The following OSBPL10 variants were observed in gnomAD, a reference collection of about 807,000 sequenced individuals.
The protein encoded by OSBPL10 is oxysterol-binding protein-related protein 10.
Under a neutral mutation model 81.7 loss-of-function variants are expected in OSBPL10, and 49 were observed. The observed-to-expected ratio is 0.60, with a 90% confidence interval of 0.48 to 0.76. The LOEUF (loss-of-function observed/expected upper bound fraction) is 0.76, where lower values mean the gene tolerates loss of function less well. Ranked by LOEUF, OSBPL10 falls within the 30% of genes least tolerant of loss-of-function variation. OSBPL10 has a pLI of 0.00. For synonymous variants in OSBPL10, 419 were observed against 383.6 expected, an observed-to-expected ratio of 1.09 and a Z score of -1.08; for missense variants, 923 against 987.8, an observed-to-expected ratio of 0.93 and a Z score of 0.88.
chr3:31,961,046 CCTT>C (rs1698146811), intron 1 of OSBPL10, among the ~76,000 whole-genome samples: 1 of 102,436 alleles, frequency 9.8e-6, no homozygotes, highest in Admixed American at 1.4e-4. Flanking sequence ...GAAGCTACAG[CCTT>C]TTTTTTTTTT....
intron 1 of OSBPL10, among the ~76,000 whole-genome samples, chr3:31,892,258 A>C (rs4458399): frequency 6.6e-6 from 1 of 151,862 alleles, no homozygotes. Flanking sequence ...GTTTGGAGCA[A>C]AGAGAAGGAA....
intron 4 of OSBPL10, among the ~76,000 whole-genome samples, chr3:31,788,316 G>A (rs1231466942): frequency 6.6e-6 from 1 of 152,124 alleles, no homozygotes. Flanking sequence ...TTTAATAGAA[G>A]ATAACTATTA....
rs1265067851 is a variant in OSBPL10, at chr3:31,932,672, A to G, written c.281+48227T>C. Among the ~76,000 whole-genome samples, 2 of 152,000 alleles carry G rather than the reference A, an allele frequency of 1.3e-5. 1 individual carries two copies. The highest frequency in any genetic ancestry group is 2.9e-5 in the Non-Finnish European group (2 of 68,016). ...CCATGTCACAAAGAGGCTATTTAAC[A>G]TCATTTTAATGATGTCTGCTCCTTC... On this transcript the variant is annotated intron_variant, in intron 1 of 11. Transcript: ENST00000396556.
chr3:31,937,392 A>C (rs1697406516), intron 1 of OSBPL10, among the ~76,000 whole-genome samples: 1 of 152,198 alleles, frequency 6.6e-6, no homozygotes, highest in South Asian at 2.1e-4. Context: ...TTAGGGGCTG[A>C]AATTACTCAT....
intron 4 of OSBPL10, among the ~76,000 whole-genome samples, chr3:31,760,525 A>G (rs368317154): frequency 6.6e-6 from 1 of 152,328 alleles, no homozygotes; most frequent in East Asian, 1.9e-4. Flanking sequence ...GTAAATAGTT[A>G]TTATACTTTA....
chr3:31,787,682 T>C (rs1698894459), intron 4 of OSBPL10, among the ~76,000 whole-genome samples: 1 of 152,054 alleles, frequency 6.6e-6, no homozygotes, highest in Non-Finnish European at 1.5e-5. Flanking sequence ...ACCAACCCTG[T>C]TGATCAGCAA....
At chr3:31,730,623 C>G (rs1482133119) in intron 6 of OSBPL10, among the ~76,000 whole-genome samples, 2 of 152,184 alleles carry the variant, frequency 1.3e-5, no homozygotes, top group African/African-American at 4.8e-5. Flanking sequence ...ATTCTAAGAT[C>G]ACTACATTTT....
At chr3:31,783,811 AAAAAAAAAAAAAATATATATATATAT>A (rs1698778748) in intron 4 of OSBPL10, among the ~76,000 whole-genome samples, 1 of 76,376 alleles carries the variant, frequency 1.3e-5, no homozygotes, top group Non-Finnish European at 2.4e-5. Flanking sequence ...AAAAAAAAAA[AAAAAAAAAAAAAATATATATATATAT>A]ATATATATAT....
intron 2 of OSBPL10, among the ~76,000 whole-genome samples, chr3:32,014,035 A>G (rs890741307): frequency 1.3e-5 from 2 of 152,240 alleles, no homozygotes; most frequent in Non-Finnish European, 2.9e-5. Context: ...AGCTGGTACC[A>G]TTCCTTCTGA....
At position 32,002,611 on chromosome 3, in the gene OSBPL10, T is replaced by C. The variant is rs544064289; in HGVS notation, n.298+43880A>G. Among the ~76,000 whole-genome samples, 220 of 138,350 alleles carry C rather than the reference T, an allele frequency of 1.6e-3. 1 individual carries two copies. Among genetic ancestry groups the C allele is most frequent in the Non-Finnish European group, 2.5e-3 (151 of 60,184 alleles). The allele number at this position is 138,350 out of a possible 152,430, so 90.8% of individuals were successfully genotyped here. A position where few individuals can be genotyped will look rare whatever the true frequency, so the allele number is the denominator to read the frequency against. On this transcript the variant is annotated intron_variant and non_coding_transcript_variant, in intron 2 of 3. Coordinates refer to the OSBPL10 transcript ENST00000479173. ...AGGGTTTGAATCAAGGCTTCTTCTC[T>C]CTTGGTGACTTAGATCCTCCAGGCA...
chr3:31,950,345 T>C (rs1697831756), intron 1 of OSBPL10, among the ~76,000 whole-genome samples: 1 of 152,254 alleles, frequency 6.6e-6, no homozygotes, highest in East Asian at 1.9e-4. Flanking sequence ...GAATGACCCT[T>C]AAGCACATGA....
At chr3:31,767,552 GCCTT>G (rs1385364035) in intron 4 of OSBPL10, among the ~76,000 whole-genome samples, 1 of 149,656 alleles carries the variant, frequency 6.7e-6, no homozygotes, top group East Asian at 2.0e-4. Flanking sequence ...TCTTCATGAA[GCCTT>G]CCTTATCTCC....
chr3:31,918,247 A>C (rs1386273454), intron 1 of OSBPL10, among the ~76,000 whole-genome samples: 1 of 152,168 alleles, frequency 6.6e-6, no homozygotes, highest in Non-Finnish European at 1.5e-5. Context: ...TAATAATGAC[A>C]AAGTTAAAAG....
chr3:31,856,073 C>T (rs1404049323), intron 3 of OSBPL10, among the ~76,000 whole-genome samples: 3 of 31,348 alleles, frequency 9.6e-5, no homozygotes, highest in African/African-American at 2.3e-4. Context: ...TTATATTACA[C>T]ACACACACAC....
intron 11 of OSBPL10, chr3:31,663,692 C>A (rs1440545722): frequency 1.8e-6 from 2 of 1,109,068 alleles, no homozygotes; most frequent in Non-Finnish European, 2.2e-6. Context: ...GTTGAGATGG[C>A]CTGTGAGGCA....
chr3:31,890,030 C>G (rs1399320139), intron 1 of OSBPL10, among the ~76,000 whole-genome samples: 1 of 151,858 alleles, frequency 6.6e-6, no homozygotes, highest in Non-Finnish European at 1.5e-5. Context: ...TGGATTCTGA[C>G]TCTCAACCTA....
chr3:32,010,258 C>G (rs1449920440), intron 2 of OSBPL10, among the ~76,000 whole-genome samples: 2 of 152,008 alleles, frequency 1.3e-5, no homozygotes, highest in African/African-American at 4.8e-5. Context: ...GCAGGAGAAA[C>G]CAAGACTGCC....
chr3:31,699,103 G>A (rs1250536761), intron 7 of OSBPL10, among the ~76,000 whole-genome samples: 1 of 152,188 alleles, frequency 6.6e-6, no homozygotes, highest in Non-Finnish European at 1.5e-5. Flanking sequence ...TGAAAACTAG[G>A]TAAAAATGGT....
At chr3:31,831,400 C>G (rs550885632) in intron 3 of OSBPL10, among the ~76,000 whole-genome samples, 2 of 150,244 alleles carry the variant, frequency 1.3e-5, no homozygotes, top group South Asian at 4.2e-4. Context: ...GAGCGAAACT[C>G]CGTCTCAAAA....
Sources: gnomAD v4.1 joint callset for allele counts (sites outside exome capture counted in the v4.1 genomes callset) on GRCh38, gnomAD v4.1.1 for gene constraint, MANE v1.5 for transcripts, NCBI Gene and HGNC (gene_info 2026-07-23, HGNC 2026-07-21) for gene names.